The following RSRC1 variants were observed in gnomAD, a reference collection of about 807,000 sequenced individuals.
RSRC1 encodes arginine and serine rich coiled-coil 1, also known as serine/Arginine-related protein 53.
RSRC1 carries 39 observed loss-of-function variants against 49.1 expected under a neutral mutation model. The ratio of observed to expected loss-of-function variants is 0.79; its 90% CI spans 0.61 to 1.04. The LOEUF is 1.04. RSRC1 is among the 50% of genes least tolerant of loss of function. RSRC1 has a pLI of 0.00. For missense variants in RSRC1, 388 were observed against 402.4 expected, an observed-to-expected ratio of 0.96 and a Z score of 0.31; for synonymous variants, 143 against 130.8, an observed-to-expected ratio of 1.09 and a Z score of -0.63.
At chr3:158,509,595 G>A (rs140448649) in intron 7 of RSRC1, among the ~76,000 whole-genome samples, 420 of 152,100 alleles carry the variant, frequency 2.8e-3, no homozygotes, top group African/African-American at 9.9e-3. Flanking sequence ...GCCAGCCTGG[G>A]CAACATAGCA....
chr3:158,519,124 G>T (rs1327509658), intron 7 of RSRC1, among the ~76,000 whole-genome samples: 1 of 151,872 alleles, frequency 6.6e-6, no homozygotes, highest in Non-Finnish European at 1.5e-5. Context: ...CATTTATCTG[G>T]TTGCTTGATC....
In RSRC1 at chr3:158,221,418, T is replaced by C. The variant is rs530657369; in HGVS notation, c.494+18173T>C. Among the ~76,000 whole-genome samples, 12 of 151,458 alleles carry C rather than the reference T, an allele frequency of 7.9e-5. No individual in the cohort carries two copies. The South Asian group carries it at 2.5e-3, about 31-fold the overall frequency. On this transcript the variant is annotated intron_variant, in intron 4 of 9. Transcript: ENST00000611884. ...TTCTGCATTAGAGTGATGAGAAACA[T>C]GGTATGCAGTATGCCGATGCTGCTT...
At chr3:158,260,286 C>T (rs570183871) in intron 4 of RSRC1, among the ~76,000 whole-genome samples, 1 of 152,222 alleles carries the variant, frequency 6.6e-6, no homozygotes, top group East Asian at 1.9e-4. Flanking sequence ...ATGAATCTTG[C>T]CAGGACTAGG....
chr3:158,451,843 G>T (rs1325078105), intron 6 of RSRC1, among the ~76,000 whole-genome samples: 1 of 151,930 alleles, frequency 6.6e-6, no homozygotes. Flanking sequence ...AGAAAATGAG[G>T]AAGAAACTTT....
intron 6 of RSRC1, among the ~76,000 whole-genome samples, chr3:158,416,845 A>C (rs1734761329): frequency 6.6e-6 from 1 of 152,068 alleles, no homozygotes; most frequent in Admixed American, 6.6e-5. Context: ...AATTCTCAGA[A>C]CTTACCTTTA....
At chr3:158,261,059 A>C (rs1254542271) in intron 4 of RSRC1, among the ~76,000 whole-genome samples, 1 of 152,132 alleles carries the variant, frequency 6.6e-6, no homozygotes, top group Non-Finnish European at 1.5e-5. Context: ...GGGCTTTTCA[A>C]AGATGCATTT....
intron 7 of RSRC1, among the ~76,000 whole-genome samples, chr3:158,511,583 A>ACATGTG (rs1483635703): frequency 3.9e-5 from 6 of 152,156 alleles, no homozygotes; most frequent in Non-Finnish European, 5.9e-5. Context: ...CAATAAACAT[A>ACATGTG]CATGTGCATG....
At chr3:158,286,144 A>C (rs1726541641) in intron 4 of RSRC1, among the ~76,000 whole-genome samples, 1 of 152,230 alleles carries the variant, frequency 6.6e-6, no homozygotes, top group Non-Finnish European at 1.5e-5. Context: ...TTTTACTTAA[A>C]TCCTCATCGC....
Position 158,465,615 on chromosome 3 carries a change from G to A in RSRC1, c.652+4612G>A, listed in dbSNP as rs1025137398. ...AACGTGATTGTCCTTTCTAGCCCTCGTCCTGAATTGGCTACTCATTGTAAT... is the reference window on the plus strand; with the variant it reads ...AACGTGATTGTCCTTTCTAGCCCTCATCCTGAATTGGCTACTCATTGTAAT... On this transcript the variant is annotated intron_variant, in intron 7 of 9. Coordinates refer to ENST00000611884, the MANE Select transcript of RSRC1 (RefSeq NM_001271838.2). 2.6e-5 allele frequency among the ~76,000 whole-genome samples: 4 copies of A among 152,070 alleles called. No homozygotes were observed. The East Asian group carries it at 5.8e-4, about 22-fold the overall frequency.
intron 4 of RSRC1, among the ~76,000 whole-genome samples, chr3:158,282,262 C>A (rs1726225087): frequency 6.6e-6 from 1 of 152,200 alleles, no homozygotes; most frequent in Admixed American, 6.5e-5. Context: ...ATGCATTTGA[C>A]CTTGGTATCC....
intron 7 of RSRC1, among the ~76,000 whole-genome samples, chr3:158,485,864 C>G (rs1195227401): frequency 6.6e-6 from 1 of 152,042 alleles, no homozygotes; most frequent in Non-Finnish European, 1.5e-5. Context: ...AATTTTCTAA[C>G]TTTAATTAAA....
chr3:158,410,092 A>G (rs1263007466), intron 6 of RSRC1, among the ~76,000 whole-genome samples: 1 of 152,148 alleles, frequency 6.6e-6, no homozygotes, highest in East Asian at 1.9e-4. Flanking sequence ...TCTTAACAGA[A>G]TTGTAATGAA....
chr3:158,422,388 C>T (rs1735122132), intron 6 of RSRC1, among the ~76,000 whole-genome samples: 2 of 151,790 alleles, frequency 1.3e-5, no homozygotes, highest in Admixed American at 6.6e-5. Context: ...ATCCATGTCC[C>T]TACAAAGGAC....
At chr3:158,469,316 T>C (rs1470193849) in intron 7 of RSRC1, 9 of 428,976 alleles carry the variant, frequency 2.1e-5, no homozygotes, top group South Asian at 1.5e-4. Context: ...TCAATCATCC[T>C]AAAGTCTACT....
At chr3:158,465,919 T>G (rs1470518714) in intron 7 of RSRC1, among the ~76,000 whole-genome samples, 1 of 152,178 alleles carries the variant, frequency 6.6e-6, no homozygotes, top group Non-Finnish European at 1.5e-5. Flanking sequence ...TTTCCTCAAG[T>G]TCTTATTTAG....
intron 7 of RSRC1, among the ~76,000 whole-genome samples, chr3:158,518,802 A>G (rs1179732262): frequency 2.6e-5 from 4 of 152,172 alleles, no homozygotes; most frequent in African/African-American, 9.7e-5. Flanking sequence ...TTTATATAAC[A>G]TAGTACTGAA....
chr3:158,507,878 G>A (rs1255049079), intron 7 of RSRC1, among the ~76,000 whole-genome samples: 1 of 152,030 alleles, frequency 6.6e-6, no homozygotes, highest in Non-Finnish European at 1.5e-5. Flanking sequence ...TTTGAGACCA[G>A]CCTAGGTAAC....
intron 4 of RSRC1, among the ~76,000 whole-genome samples, chr3:158,272,784 A>T (rs1182460732): frequency 6.6e-6 from 1 of 151,988 alleles, no homozygotes; most frequent in East Asian, 1.9e-4. Context: ...AACTCTGGAG[A>T]TGTTTGAAGA....
Position 158,208,959 on chromosome 3 carries a change from A to G in RSRC1, c.494+5714A>G, listed in dbSNP as rs191378919. Among the ~76,000 whole-genome samples, 28 of 152,292 alleles carry G rather than the reference A, an allele frequency of 1.8e-4. No individual in the cohort carries two copies. The East Asian group carries it at 3.1e-3, about 17-fold the overall frequency. ...ACTGCCTAACATATAGTTGACTGGT[A>G]TAAAACCTCTTTAAATATGTCTTTG... On this transcript the variant is annotated intron_variant, in intron 4 of 9. Coordinates refer to ENST00000611884, the MANE Select transcript of RSRC1 (RefSeq NM_001271838.2).
Sources: allele counts gnomAD v4.1 joint callset (sites outside exome capture counted in the v4.1 genomes callset), GRCh38; gene constraint gnomAD v4.1.1; transcripts MANE v1.5; gene names NCBI Gene and HGNC (gene_info 2026-07-23, HGNC 2026-07-21).